MSRA: variants seen among roughly 807,000 people sequenced by gnomAD.
The protein encoded by MSRA is mitochondrial peptide methionine sulfoxide reductase.
A neutral mutation model predicts 31.3 loss-of-function variants in MSRA; 54 were observed. The ratio of observed to expected loss-of-function variants is 1.73; its 90% CI spans 1.39 to 2.17. The LOEUF is 2.17. MSRA is among the 30% of genes most tolerant of loss of function. The pLI is 0.00. For missense variants in MSRA, 507 were observed against 300.9 expected (o/e 1.69, Z -5.07); for synonymous variants, 169 against 116.5 (o/e 1.45, Z -2.90).
intron 5 of MSRA, among the ~76,000 whole-genome samples, chr8:10,422,957 C>G (rs1808902576): frequency 6.6e-6 from 1 of 152,252 alleles, no homozygotes; most frequent in Admixed American, 6.5e-5. Flanking sequence ...CTGAGGGCAC[C>G]TGGGTCTTGA....
At chr8:10,241,182 C>T (rs1215760853) in intron 2 of MSRA, among the ~76,000 whole-genome samples, 2 of 152,040 alleles carry the variant, frequency 1.3e-5, no homozygotes, top group African/African-American at 2.4e-5. Context: ...TCATTATCAC[C>T]CATGTCATGA....
intron 1 of MSRA, among the ~76,000 whole-genome samples, chr8:10,116,171 C>A (rs1056966734): frequency 6.6e-6 from 1 of 152,242 alleles, no homozygotes; most frequent in Non-Finnish European, 1.5e-5. Context: ...TTATGGCAAG[C>A]TTGTCCAACC....
At chr8:10,340,628 C>G (rs755244021) in intron 5 of MSRA, among the ~76,000 whole-genome samples, 1 of 152,266 alleles carries the variant, frequency 6.6e-6, no homozygotes, top group Non-Finnish European at 1.5e-5. Context: ...CTGCCTCAGC[C>G]TCCCAAAGTG....
chr8:10,167,264 T>A (rs942534558), intron 1 of MSRA, among the ~76,000 whole-genome samples: 1 of 152,212 alleles, frequency 6.6e-6, no homozygotes. Flanking sequence ...AACTGGAGAT[T>A]GGTGTCCAAA....
intron 5 of MSRA, among the ~76,000 whole-genome samples, chr8:10,362,485 GGGCTTGTATATTTAA>G (rs1204411173): frequency 2.8e-5 from 4 of 144,022 alleles, no homozygotes. Flanking sequence ...AAAAAAAAGT[GGGCTTGTATATTTAA>G]GGCTGTGGGT....
chr8:10,062,746 C>A (rs375310759), intron 1 of MSRA, among the ~76,000 whole-genome samples: 4 of 152,116 alleles, frequency 2.6e-5, no homozygotes, highest in African/African-American at 9.7e-5. Context: ...TTTTTCCTAT[C>A]GCATCAGAAA....
At chr8:10,122,268 T>C (rs1801178841) in intron 1 of MSRA, among the ~76,000 whole-genome samples, 1 of 152,080 alleles carries the variant, frequency 6.6e-6, no homozygotes, top group African/African-American at 2.4e-5. Context: ...AAATGCTCAG[T>C]GCAAGAAGCC....
intron 5 of MSRA, among the ~76,000 whole-genome samples, chr8:10,334,437 CG>C (rs1197321733): frequency 6.6e-6 from 1 of 150,766 alleles, no homozygotes; most frequent in Non-Finnish European, 1.5e-5. Flanking sequence ...CTACCGGGGG[CG>C]GGGGGGAGGT....
At chr8:10,315,670 A>G (rs1031627219) in intron 4 of MSRA, among the ~76,000 whole-genome samples, 6 of 152,212 alleles carry the variant, frequency 3.9e-5, no homozygotes, top group African/African-American at 1.2e-4. Flanking sequence ...ACTGATTTCA[A>G]TGTAAGCATG....
At chr8:10,151,649 C>G (rs1320164112) in intron 1 of MSRA, among the ~76,000 whole-genome samples, 1 of 152,080 alleles carries the variant, frequency 6.6e-6, no homozygotes, top group African/African-American at 2.4e-5. Context: ...GACTGTGTCT[C>G]AAAAACAAAA....
chr8:10,319,450 T>G (rs936680782), intron 4 of MSRA, among the ~76,000 whole-genome samples: 2 of 152,168 alleles, frequency 1.3e-5, no homozygotes, highest in Non-Finnish European at 2.9e-5. Flanking sequence ...GCCAGGAATT[T>G]ACACAGACAT....
intron 3 of MSRA, among the ~76,000 whole-genome samples, chr8:10,284,859 T>G (rs182936745): frequency 6.6e-6 from 1 of 152,140 alleles, no homozygotes; most frequent in African/African-American, 2.4e-5. Flanking sequence ...GTAAACCACT[T>G]ATAGTTGTGC....
At chr8:10,320,054 T>C in intron 5 of MSRA, 65 bp downstream of exon 5, 1 of 994,594 alleles carries the variant, frequency 1.0e-6, no homozygotes, top group Non-Finnish European at 1.5e-6. Context: ...GTTCTGATTT[T>C]AGAGGGCAGT....
At chr8:10,110,113 C>G (rs992189188) in intron 1 of MSRA, among the ~76,000 whole-genome samples, 3 of 152,126 alleles carry the variant, frequency 2.0e-5, no homozygotes, top group Non-Finnish European at 4.4e-5. Context: ...GAGCCTCTGC[C>G]CAGCGTTCTG....
At chr8:10,350,937 G>A (rs1804093079) in intron 5 of MSRA, among the ~76,000 whole-genome samples, 1 of 152,214 alleles carries the variant, frequency 6.6e-6, no homozygotes, top group Non-Finnish European at 1.5e-5. Context: ...TGCCCTGCCT[G>A]TGGCATTTCT....
chr8:10,068,019 GACT>G (rs2128916457), intron 1 of MSRA, among the ~76,000 whole-genome samples: 1 of 151,744 alleles, frequency 6.6e-6, no homozygotes, highest in Non-Finnish European at 1.5e-5. Context: ...GGGTAGCTGG[GACT>G]ACAGGCATGT....
intron 1 of MSRA, among the ~76,000 whole-genome samples, chr8:10,074,613 TC>T (rs1252334076): frequency 6.6e-6 from 1 of 152,182 alleles, no homozygotes; most frequent in African/African-American, 2.4e-5. Context: ...GCTTGATCTC[TC>T]CCCAGAACAT....
chr8:10,426,187 C>G (rs867047079), intron 5 of MSRA, among the ~76,000 whole-genome samples: 52 of 152,328 alleles, frequency 3.4e-4, no homozygotes, highest in African/African-American at 1.2e-3. Flanking sequence ...GCCAACCCCA[C>G]GTGCTCATTC....
intron 5 of MSRA, among the ~76,000 whole-genome samples, chr8:10,363,044 A>C (rs1315785706): frequency 6.6e-6 from 1 of 152,356 alleles, no homozygotes; most frequent in East Asian, 1.9e-4. Flanking sequence ...GACCCTCGCC[A>C]GCCTCAGTCA....
Sources: gnomAD v4.1 joint callset for allele counts (sites outside exome capture counted in the v4.1 genomes callset) on GRCh38, gnomAD v4.1.1 for gene constraint, MANE v1.5 for transcripts, NCBI Gene and HGNC (gene_info 2026-07-23, HGNC 2026-07-21) for gene names.